The following LETMD1 variants were observed in gnomAD, a reference collection of about 807,000 sequenced individuals.
LETMD1 encodes the protein LETM1 domain containing 1, also known as LETM1 domain-containing protein 1.
A neutral mutation model predicts 43.9 loss-of-function variants in LETMD1; 30 were observed. The observed-to-expected ratio is 0.68, with a 90% CI of 0.51 to 0.93. LETMD1 has a LOEUF of 0.93. Ranked by LOEUF, LETMD1 falls within the 40% of genes least tolerant of loss-of-function variation. LETMD1 has a pLI of 0.00. For synonymous variants in LETMD1, 176 were observed against 163.1 expected, an observed-to-expected ratio of 1.08 and a Z score of -0.60; for missense variants, 413 against 447.7, an observed-to-expected ratio of 0.92 and a Z score of 0.70.
chr12:51,060,625 G>A (rs866307982), downstream of LETMD1, among the ~76,000 whole-genome samples: 2 of 152,142 alleles, frequency 1.3e-5, no homozygotes, highest in Admixed American at 6.6e-5. Flanking sequence ...GAATGAGGCC[G>A]GGCGCGGCGG....
chr12:51,059,582 CAT>C lies in LETMD1; in HGVS notation c.*152_*153del, dbSNP rs1232694697. Reference sequence around the variant, plus strand: ...GCCATGGGCTTCACAGCATGGCACACATGTGGGAACTGCAGACATTCCTCTCA... The same window carrying C: ...GCCATGGGCTTCACAGCATGGCACACGTGGGAACTGCAGACATTCCTCTCA... On this transcript the variant is annotated 3_prime_UTR_variant, in exon 9 of 9. Transcript: ENST00000262055. The C allele has an allele frequency of 5.0e-5, 35 of 696,968 alleles. No homozygotes were observed. Among genetic ancestry groups the C allele is most frequent in the East Asian group, 3.3e-4 (12 of 36,664 alleles). The allele number at this position is 696,968 out of a possible 1,614,324, so 43.2% of individuals were successfully genotyped here.
Position 51,048,348 on chromosome 12 carries a change from G to C in LETMD1, c.-9G>C, listed in dbSNP as rs752154467. 3.7e-6 allele frequency: 6 copies of C among 1,614,022 alleles called. No homozygotes were observed. Among genetic ancestry groups the C allele is most frequent in the African/African-American group, 2.7e-5 (2 of 75,010 alleles). On this transcript the variant is annotated 5_prime_UTR_variant, in exon 1 of 9. Coordinates refer to ENST00000262055, the MANE Select transcript of LETMD1 (RefSeq NM_015416.5). ...CAACCTCTTCTCTCCCGCTTCTCTC[G>C]CTGTGAAGATGGCGCTCTCCAGGGT... is the stretch of plus-strand genomic sequence containing the variant.
At chr12:51,057,900 C>A (rs1434864109) in intron 7 of LETMD1, 132 bp from the exon 8 acceptor site, 2 of 744,116 alleles carry the variant, frequency 2.7e-6, no homozygotes, top group Non-Finnish European at 4.8e-6. Context: ...GCTGGGATTA[C>A]AGGCACGAGC....
chr12:51,067,730 G>A, the LETMD1 span: 2 of 1,614,012 alleles, frequency 1.2e-6, no homozygotes, highest in Admixed American at 3.3e-5. The surrounding 1 kb of genome is among the most constrained non-coding windows in gnomAD (Gnocchi z 4.1). Flanking sequence ...AATACAGTCG[G>A]CAGTCACAAC....
chr12:51,051,717 A>G (rs1293975030), intron 2 of LETMD1, among the ~76,000 whole-genome samples: 2 of 151,994 alleles, frequency 1.3e-5, no homozygotes, highest in East Asian at 3.8e-4. Context: ...AAAAAAAAGA[A>G]AAAAAAAGTT....
chr12:51,049,778 C>G (rs11169689), intron 2 of LETMD1, among the ~76,000 whole-genome samples: 35,881 of 152,080 alleles, frequency 0.24, 5,184 homozygotes, highest in East Asian at 0.71. Flanking sequence ...CCTTGGTTTT[C>G]TTATGTGTAA....
At chr12:51,067,577 T>C in the LETMD1 span, 1 of 1,203,794 alleles carries the variant, frequency 8.3e-7, no homozygotes, top group East Asian at 2.3e-5. This position sits in a 1 kb window ranked among gnomAD's most constrained non-coding sequence, Gnocchi z 4.1. Context: ...CCATAGGGAA[T>C]CCACCCCTGA....
the LETMD1 span, chr12:51,067,914 T>C: frequency 6.2e-7 from 1 of 1,614,090 alleles, no homozygotes. The surrounding 1 kb of genome is among the most constrained non-coding windows in gnomAD (Gnocchi z 4.1). Flanking sequence ...ATCTGACACA[T>C]CATCCAGCGT....
the LETMD1 span, among the ~76,000 whole-genome samples, chr12:51,065,761 C>G: frequency 6.6e-6 from 1 of 152,162 alleles, no homozygotes; most frequent in Non-Finnish European, 1.5e-5. Flanking sequence ...CCAGGCCCAG[C>G]TGCATCAATT....
chr12:51,058,713 T>C (rs1948434267), intron 8 of LETMD1: 1 of 159,506 alleles, frequency 6.3e-6, no homozygotes, highest in South Asian at 1.8e-4. Flanking sequence ...TGAGCCACCA[T>C]GTCCAGCCTA....
At position 51,056,140 on chromosome 12, in the gene LETMD1, C is replaced by G; in HGVS notation, c.661-4C>G. On this transcript the variant is annotated splice_region_variant and splice_polypyrimidine_tract_variant and intron_variant, in intron 5 of 8. Transcript: ENST00000262055. The stretch of plus-strand genomic sequence containing the variant: ...ACATCTACAAATCTCTTACCTCTTC[C>G]AAGATACAGCGTGGTACCCACCCAG... 3 of 1,613,916 alleles carry G rather than the reference C, an allele frequency of 1.9e-6. No homozygotes were observed. Among genetic ancestry groups the G allele is most frequent in the Non-Finnish European group, 2.5e-6 (3 of 1,179,808 alleles).
chr12:51,068,074 G>C, the LETMD1 span: 2 of 1,087,766 alleles, frequency 1.8e-6, no homozygotes, highest in Non-Finnish European at 2.7e-6. Flanking sequence ...GCAATCATGG[G>C]AATATCTGTG....
downstream of LETMD1, chr12:51,064,348 C>A (rs753528275): frequency 1.2e-5 from 19 of 1,614,052 alleles, no homozygotes; most frequent in East Asian, 3.6e-4. Flanking sequence ...GCACTAGAGC[C>A]GCTGGAATCT....
chr12:51,055,665 TAAAAAAAAAA>T (rs56285797), intron 4 of LETMD1, 160 bp from the exon 5 acceptor site: 14 of 150,392 alleles, frequency 9.3e-5, no homozygotes, highest in Non-Finnish European at 1.5e-4. Flanking sequence ...CCCTGTCTCT[TAAAAAAAAAA>T]AAAAAAAAAA....
Position 51,048,951 on chromosome 12 carries a change from A to T in LETMD1, c.123-83A>T, listed in dbSNP as rs111971146. 1.7e-3 allele frequency: 2,248 copies of T among 1,294,432 alleles called. 29 individuals are homozygous for T. The African/African-American group carries it at 0.029, about 17-fold the overall frequency. The allele number at this position is 1,294,432 out of a possible 1,614,324, so 80.2% of individuals were successfully genotyped here. On this transcript the variant is annotated intron_variant, in intron 1 of 8. Transcript: ENST00000262055. ...CAAGCCTTGGGATACAATCTCCGAGACTCCTGCTTTACATTAGGGACTCAA... is the reference window on the plus strand; with the variant it reads ...CAAGCCTTGGGATACAATCTCCGAGTCTCCTGCTTTACATTAGGGACTCAA...
chr12:51,056,358 G>T lies in LETMD1; in HGVS notation c.771G>T (p.Leu257Phe). The T allele has an allele frequency of 6.2e-7, 1 of 1,614,168 alleles. No homozygotes were observed. Among genetic ancestry groups the T allele is most frequent in the Non-Finnish European group, 8.5e-7 (1 of 1,180,036 alleles). The change falls in exon 7 of 9, where the codon TTG becomes TTT. Residue 257 changes from leucine to phenylalanine, a missense_variant. By Grantham distance (22) the Leu-to-Phe change is conservative (BLOSUM62 0). Transcript: ENST00000262055. ...NQLQALHVKA[L>F]SRAMLLTSYL... is the part of the protein sequence containing the mutation. ...ATGTGGTTGTGTTACAGAAAGCCTT[G>T]AGCCGGGCCATGCTTCTCACATCTT...
rs1948229102 is a variant in LETMD1 at position 51,058,044 on chromosome 12, C to T, written c.928C>T (p.Arg310Cys). ...AQEVKSACYL[R>C]GLNSTHIGED... Reference sequence around the variant, plus strand: ...CTGAGTGGTATAGGCTTGTTATCTCCGTGGCCTGAATTCTACGCATATTGG... The same window carrying T: ...CTGAGTGGTATAGGCTTGTTATCTCTGTGGCCTGAATTCTACGCATATTGG... The change falls in exon 8 of 9, where the codon CGT (arginine) becomes TGT (cysteine). Residue 310 changes from arginine (R) to cysteine (C), a missense_variant. By Grantham distance (180) the Arg-to-Cys change is radical (BLOSUM62 -3). Coordinates refer to ENST00000262055, the MANE Select transcript of LETMD1 (RefSeq NM_015416.5). 8 of 1,611,388 alleles carry T rather than the reference C, an allele frequency of 5.0e-6. No homozygotes were observed. Among genetic ancestry groups the T allele is most frequent in the African/African-American group, 1.3e-5 (1 of 74,934 alleles).
At position 51,048,362 on chromosome 12, in the gene LETMD1, G is replaced by C. The variant is rs1306074673; in HGVS notation, c.6G>C (p.Ala2=). Residue 2 remains alanine, a synonymous_variant, in exon 1 of 9, where the codon GCG becomes GCC. Coordinates refer to ENST00000262055, the MANE Select transcript of LETMD1 (RefSeq NM_015416.5). The stretch of plus-strand genomic sequence containing the variant: ...CCGCTTCTCTCGCTGTGAAGATGGC[G>C]CTCTCCAGGGTGTGCTGGGCTCGGT... M[A]LSRVCWARSA... 1.9e-6 allele frequency: 3 copies of C among 1,614,064 alleles called. No homozygotes were observed. The South Asian group carries it at 3.3e-5, about 18-fold the overall frequency.
downstream of LETMD1, chr12:51,063,769 A>T (rs1199028991): frequency 1.3e-6 from 2 of 1,574,302 alleles, no homozygotes; most frequent in South Asian, 1.2e-5. Context: ...GGGAGTTCTA[A>T]GGAAGAATCT....
Sources: gnomAD v4.1 joint callset for allele counts (sites outside exome capture counted in the v4.1 genomes callset) on GRCh38, gnomAD v4.1.1 for gene constraint, Gnocchi (gnomAD v3.1) non-coding constraint, MANE v1.5 for transcripts, NCBI Gene and HGNC (gene_info 2026-07-23, HGNC 2026-07-21) for gene names.